The following C8orf34 variants were observed in gnomAD, a reference collection of about 807,000 sequenced individuals.
C8orf34 encodes the protein uncharacterized protein C8orf34.
C8orf34 carries 65 observed loss-of-function variants against 68.3 expected under a neutral mutation model. The ratio of observed to expected loss-of-function variants is 0.95; its 90% confidence interval spans 0.78 to 1.17. The LOEUF (loss-of-function observed/expected upper bound fraction) is 1.17. Ranked by LOEUF, C8orf34 falls within the 50% of genes most tolerant of loss-of-function variation. The probability of loss-of-function intolerance (pLI) is 0.00; values close to 1 mark genes in which losing one functional copy is unlikely to be tolerated. For synonymous variants in C8orf34, 244 were observed against 241.2 expected (o/e 1.01, Z -0.11); for missense variants, 664 against 655.4 (o/e 1.01, Z -0.14).
chr8:68,744,400 C>G (rs1173734696), intron 10 of C8orf34, among the ~76,000 whole-genome samples: 1 of 152,078 alleles, frequency 6.6e-6, no homozygotes. Context: ...CTTTGACGAG[C>G]TGAGAGAAGA....
chr8:68,716,313 A>C (rs1821471334), intron 9 of C8orf34, among the ~76,000 whole-genome samples: 1 of 152,166 alleles, frequency 6.6e-6, no homozygotes, highest in Non-Finnish European at 1.5e-5. Context: ...AACCTATTGA[A>C]AAAAATTAAA....
chr8:68,544,014 G>A (rs1815787103), intron 7 of C8orf34, among the ~76,000 whole-genome samples: 1 of 152,144 alleles, frequency 6.6e-6, no homozygotes, highest in African/African-American at 2.4e-5. Flanking sequence ...GAACTCAGGT[G>A]TAGAATGAAG....
chr8:68,808,978 C>T lies in C8orf34; in HGVS notation c.1550-6908C>T, dbSNP rs77467451. Among the ~76,000 whole-genome samples the T allele has an allele frequency of 8.7e-3, 1,321 of 152,112 alleles. 18 individuals carry two copies. Among genetic ancestry groups the T allele is most frequent in the African/African-American group, 0.03 (1,259 of 41,480 alleles). ...CACCCTTTTTTGTGAGCATACACAT[C>T]TGCCACTTAACTTTCTCAGTGGGAG... is the stretch of plus-strand genomic sequence containing the variant. On this transcript the variant is annotated intron_variant, in intron 12 of 13. Transcript: ENST00000518698.
chr8:68,813,096 A>G (rs537301770), intron 12 of C8orf34, among the ~76,000 whole-genome samples: 5 of 152,340 alleles, frequency 3.3e-5, no homozygotes, highest in African/African-American at 9.6e-5. Context: ...CTTGTAGCAT[A>G]TGGCGTTATC....
chr8:68,609,746 A>G (rs528852270), intron 7 of C8orf34, among the ~76,000 whole-genome samples: 8 of 152,316 alleles, frequency 5.3e-5, no homozygotes, highest in East Asian at 1.9e-4. Flanking sequence ...GAAGTTCTCC[A>G]TGTACCATTA....
At chr8:68,668,163 A>G (rs1244695896) in intron 8 of C8orf34, among the ~76,000 whole-genome samples, 1 of 152,144 alleles carries the variant, frequency 6.6e-6, no homozygotes, top group African/African-American at 2.4e-5. Flanking sequence ...TAGCTACTAC[A>G]TTTAACCTTA....
chr8:68,677,470 C>T (rs1400819848), intron 8 of C8orf34, among the ~76,000 whole-genome samples: 1 of 152,050 alleles, frequency 6.6e-6, no homozygotes, highest in Non-Finnish European at 1.5e-5. Flanking sequence ...ACAATCCTCC[C>T]ACCTCAGCTT....
chr8:68,795,864 G>A (rs371553793), intron 12 of C8orf34, among the ~76,000 whole-genome samples: 138 of 152,266 alleles, frequency 9.1e-4, no homozygotes, highest in Middle Eastern at 3.4e-3. Context: ...CCCTTAGACA[G>A]CTGTGATGTA....
chr8:68,583,026 G>A (rs1181834134), intron 7 of C8orf34, among the ~76,000 whole-genome samples: 3 of 152,008 alleles, frequency 2.0e-5, no homozygotes, highest in Non-Finnish European at 2.9e-5. Context: ...TCTTACAAAT[G>A]GAAATTTTCA....
intron 1 of C8orf34, among the ~76,000 whole-genome samples, chr8:68,361,157 G>A (rs1806978520): frequency 6.6e-6 from 1 of 152,174 alleles, no homozygotes; most frequent in Non-Finnish European, 1.5e-5. Context: ...CATGAGAATA[G>A]CACCTTGAAA....
chr8:68,466,138 T>C (rs1471240808), intron 3 of C8orf34, among the ~76,000 whole-genome samples: 4 of 151,494 alleles, frequency 2.6e-5, no homozygotes, highest in Non-Finnish European at 5.9e-5. Flanking sequence ...AAGACTAATA[T>C]TGCATGCCCT....
intron 1 of C8orf34, among the ~76,000 whole-genome samples, chr8:68,426,973 A>AAGC (rs1408797084): frequency 6.6e-6 from 1 of 152,236 alleles, no homozygotes; most frequent in Non-Finnish European, 1.5e-5. Flanking sequence ...GATGGCAGAT[A>AAGC]AGCACATCAG....
intron 12 of C8orf34, among the ~76,000 whole-genome samples, chr8:68,802,422 A>C (rs1244370459): frequency 6.6e-6 from 1 of 152,190 alleles, no homozygotes; most frequent in Non-Finnish European, 1.5e-5. Context: ...TTTTTAAAAT[A>C]AGTACATAGC....
intron 3 of C8orf34, among the ~76,000 whole-genome samples, chr8:68,457,018 C>T (rs1360056950): frequency 6.6e-6 from 1 of 152,108 alleles, no homozygotes; most frequent in Non-Finnish European, 1.5e-5. Context: ...TCCTTTATAA[C>T]CATTTCAAAT....
intron 7 of C8orf34, among the ~76,000 whole-genome samples, chr8:68,558,468 TCTAA>T (rs1411534547): frequency 2.5e-4 from 38 of 152,216 alleles, no homozygotes; most frequent in African/African-American, 9.1e-4. Context: ...AAAGAAAATC[TCTAA>T]CTATATAGTT....
intron 1 of C8orf34, among the ~76,000 whole-genome samples, chr8:68,426,827 C>T (rs182572184): frequency 2.0e-5 from 3 of 151,668 alleles, no homozygotes; most frequent in Admixed American, 2.0e-4. Flanking sequence ...TGAGGTCGCG[C>T]CATTGCACTC....
intron 1 of C8orf34, among the ~76,000 whole-genome samples, chr8:68,420,819 T>G (rs1399426572): frequency 2.6e-5 from 4 of 151,072 alleles, no homozygotes; most frequent in Non-Finnish European, 5.9e-5. Flanking sequence ...ACATGGAAAC[T>G]GTATCATAGA....
chr8:68,574,515 T>G (rs1816847339), intron 7 of C8orf34, among the ~76,000 whole-genome samples: 1 of 152,200 alleles, frequency 6.6e-6, no homozygotes, highest in African/African-American at 2.4e-5. Context: ...CTGTACTTCA[T>G]TGTGCTTTAA....
chr8:68,414,550 G>A (rs2246592), intron 1 of C8orf34, among the ~76,000 whole-genome samples: 13,456 of 152,096 alleles, frequency 0.088, 671 homozygotes, highest in Middle Eastern at 0.12. Context: ...TCATTCTTTC[G>A]TTTATCAAAT....
Sources: allele counts gnomAD v4.1 joint callset (sites outside exome capture counted in the v4.1 genomes callset), GRCh38; gene constraint gnomAD v4.1.1; transcripts MANE v1.5; gene names NCBI Gene and HGNC (gene_info 2026-07-23, HGNC 2026-07-21).